Variants in RGL3 observed in about 807,000 individuals in gnomAD.
RGL3 encodes ral guanine nucleotide dissociation stimulator-like 3.
Under a neutral mutation model 90.6 loss-of-function variants are expected in RGL3, and 85 were observed. That is an observed-to-expected ratio of 0.94 (90% CI 0.79 to 1.12). RGL3 has a LOEUF of 1.12. Ranked by LOEUF, RGL3 falls within the 50% of genes most tolerant of loss-of-function variation. The pLI is 0.00. For synonymous variants in RGL3, 408 were observed against 385.5 expected (o/e 1.06, Z -0.68); for missense variants, 1,034 against 939.2 (o/e 1.10, Z -1.32).
Position 11,416,153 on chromosome 19 carries a change from C to T in RGL3, c.426-5G>A, listed in dbSNP as rs775430687. ...CCCAGCACTGACACCACAGCCCTGG[C>T]CAGAGAGGCAGGGTCTCAGAGCTGG... On this transcript the variant is annotated splice_polypyrimidine_tract_variant and splice_region_variant and intron_variant, in intron 4 of 18. Transcript: ENST00000380456. 5.2e-6 allele frequency: 8 copies of T among 1,533,702 alleles called. No homozygotes were observed. In the South Asian group the frequency reaches 7.5e-5, roughly 14 times the overall value.
At position 11,417,151 on chromosome 19, in the gene RGL3, T is replaced by C. The variant is rs1969017621; in HGVS notation, c.148-92A>G. The C allele has an allele frequency of 4.1e-6, 4 of 977,388 alleles. No homozygotes were observed. In the Admixed American group the frequency reaches 1.2e-4, roughly 30 times the overall value. The allele number at this position is 977,388 out of a possible 1,614,324, so 60.5% of individuals were successfully genotyped here. ...CATTCATCACTAGCACCACTCTTTT[T>C]TTTTTTGTTTTTTTTTTTGAGACAG... On this transcript the variant is annotated intron_variant, in intron 2 of 18. Transcript: ENST00000380456.
intron 4 of RGL3, chr19:11,416,364 T>A (rs189796116): frequency 9.7e-6 from 6 of 616,146 alleles, no homozygotes; most frequent in African/African-American, 9.2e-5. Flanking sequence ...CTTTTTTTGT[T>A]GTTGTTGTAT....
intron 4 of RGL3, 67 bp from the exon 5 acceptor site, chr19:11,416,215 CCTT>C (rs1968994375): frequency 5.8e-6 from 5 of 855,132 alleles, no homozygotes; most frequent in African/African-American, 2.3e-5. Context: ...ACTCCTGGTA[CCTT>C]TTTTTTTTTT....
In RGL3 at chr19:11,416,882, G is replaced by T; in HGVS notation, c.325C>A (p.Leu109Met). 6.2e-7 allele frequency: 1 copy of T among 1,614,134 alleles called. No homozygotes were observed. The highest frequency in any genetic ancestry group is 8.5e-7 in the Non-Finnish European group (1 of 1,180,010). Residue 109 changes from leucine (L) to methionine (M), a missense_variant, in exon 3 of 19, where the codon CTG becomes ATG. Leu to Met is a conservative substitution (Grantham distance 15). Coordinates refer to ENST00000380456, the MANE Select transcript of RGL3 (RefSeq NM_001035223.4). ...ATTGGTGGCAGCAGAAAGCCCAGCA[G>T]GCAGGCAGTGGGTACAAAGGTCCGG... is the stretch of plus-strand genomic sequence containing the variant. ...TYRTFVPTAC[L>M]LGFLLPPMPP...
chr19:11,403,449 G>A (rs1418612438), intron 9 of RGL3, among the ~76,000 whole-genome samples: 1 of 150,090 alleles, frequency 6.7e-6, no homozygotes, highest in African/African-American at 2.4e-5. Flanking sequence ...GACCAGCCTG[G>A]CTAACAGAGT....
intron 5 of RGL3, chr19:11,411,295 C>A (rs1252999999): frequency 6.6e-6 from 1 of 152,000 alleles, no homozygotes; most frequent in Admixed American, 6.6e-5. Flanking sequence ...AACAACTATT[C>A]CTCCTTCCCC....
intron 5 of RGL3, among the ~76,000 whole-genome samples, chr19:11,414,489 TC>T (rs1968949992): frequency 3.9e-5 from 1 of 25,340 alleles, no homozygotes; most frequent in Admixed American, 6.5e-4. Context: ...ATATACACCT[TC>T]ATATATATAT....
rs1215820328 is a variant in RGL3 at position 11,406,703 on chromosome 19, C to T, written c.780+19G>A. 1 of 1,613,142 alleles carries T rather than the reference C, an allele frequency of 6.2e-7. No homozygotes were observed. Among genetic ancestry groups the T allele is most frequent in the African/African-American group, 1.3e-5 (1 of 75,030 alleles). ...GTCCCCTCACTGTGGCTCATCCCGA[C>T]CCTGTCCGGGATCCTCACCAAGTCT... On this transcript the variant is annotated intron_variant, in intron 6 of 18. Coordinates refer to ENST00000380456, the MANE Select transcript of RGL3 (RefSeq NM_001035223.4).
At chr19:11,418,406 C>T (rs2144746274) in intron 2 of RGL3, 2 of 515,154 alleles carry the variant, frequency 3.9e-6, no homozygotes, top group East Asian at 3.6e-5. Context: ...CCCAACTCTG[C>T]CGTCCAGTTC....
intron 18 of RGL3, 47 bp downstream of exon 18, chr19:11,397,197 G>A (rs376001043): frequency 6.5e-6 from 10 of 1,530,274 alleles, no homozygotes; most frequent in African/African-American, 5.5e-5. Context: ...CAGTCTGCTC[G>A]CCTCCCCGCT....
chr19:11,402,134 T>C lies in RGL3; in HGVS notation c.1363-2A>G, dbSNP rs769789459. On this transcript the variant is annotated splice_acceptor_variant, in intron 12 of 18. Transcript: ENST00000380456. LOFTEE classifies it high-confidence loss of function. ...GATGCGGGCCAGGATCTCCCACTCC[T>C]GGAGGACGAGCCTCTAAGACCCTAC... 3 of 1,608,416 alleles carry C rather than the reference T, an allele frequency of 1.9e-6. No individual in the cohort carries two copies. The Admixed American group carries it at 5.0e-5, about 27-fold the overall frequency.
rs755981361 is a variant in RGL3 at position 11,416,822 on chromosome 19, G to A, written c.371+14C>T. On this transcript the variant is annotated intron_variant, in intron 3 of 18. Coordinates refer to ENST00000380456, the MANE Select transcript of RGL3 (RefSeq NM_001035223.4). ...CTAGGGTGGAGAATACGGAGGTTAT[G>A]GTTCGCTACTGACCCGGGAGGTGGG... The A allele has an allele frequency of 6.2e-6, 10 of 1,612,750 alleles. No individual in the cohort carries two copies. In the South Asian group the frequency reaches 7.7e-5, roughly 12 times the overall value.
chr19:11,416,186 G>A, intron 4 of RGL3, 38 bp from the exon 5 acceptor site: 1 of 1,346,236 alleles, frequency 7.4e-7, no homozygotes. Flanking sequence ...TGGGTCCAGA[G>A]TGGGGGACAT....
In RGL3 at chr19:11,399,715, C is replaced by A. The variant is rs928231938; in HGVS notation, c.1746+140G>T. ...ATGCATGCAATCCCCTGGATGGATACCCCGGGCGCTCAGTGTGCCTCCTGT... is the reference window on the plus strand; with the variant it reads ...ATGCATGCAATCCCCTGGATGGATAACCCGGGCGCTCAGTGTGCCTCCTGT... On this transcript the variant is annotated intron_variant, in intron 16 of 18. Coordinates refer to ENST00000380456, the MANE Select transcript of RGL3 (RefSeq NM_001035223.4). The A allele has an allele frequency of 1.6e-5, 8 of 485,830 alleles. No homozygotes were observed. In the East Asian group the frequency reaches 2.1e-4, roughly 13 times the overall value. The allele number at this position is 485,830 out of a possible 1,614,324, so 30.1% of individuals were successfully genotyped here. A position where few individuals can be genotyped will look rare whatever the true frequency, so the allele number is the denominator to read the frequency against.
intron 18 of RGL3, 134 bp downstream of exon 18, chr19:11,397,110 T>A: frequency 1.5e-6 from 1 of 681,670 alleles, no homozygotes; most frequent in Non-Finnish European, 2.5e-6. Context: ...ACTGATTATC[T>A]TACCCCTACT....
intron 3 of RGL3, 75 bp downstream of exon 3, chr19:11,416,761 A>G: frequency 1.9e-6 from 3 of 1,590,350 alleles, no homozygotes; most frequent in Non-Finnish European, 2.6e-6. Context: ...CAGGTTCCAC[A>G]CCTGAGGAGG....
intron 5 of RGL3, 114 bp downstream of exon 5, chr19:11,415,823 A>C: frequency 1.1e-6 from 1 of 935,716 alleles, no homozygotes; most frequent in Non-Finnish European, 1.6e-6. Context: ...TGAGGCTTAG[A>C]GTTTAAAATC....
At chr19:11,401,962 G>A (rs1348016491) in intron 13 of RGL3, 49 bp downstream of exon 13, 2 of 1,506,372 alleles carry the variant, frequency 1.3e-6, no homozygotes, top group South Asian at 1.3e-5. Flanking sequence ...TCCAGTTGGT[G>A]ACCCAGGCTC....
intron 18 of RGL3, among the ~76,000 whole-genome samples, chr19:11,396,114 CTCTCTCTCTCTCTCTCTCTCTCTA>C (rs1968561669): frequency 1.9e-5 from 1 of 52,302 alleles, no homozygotes; most frequent in South Asian, 6.4e-4. Context: ...CTCTCTCTCT[CTCTCTCTCTCTCTCTCTCTCTCTA>C]TATATATATA....
Sources: allele counts gnomAD v4.1 joint callset (sites outside exome capture counted in the v4.1 genomes callset), GRCh38; gene constraint gnomAD v4.1.1; transcripts MANE v1.5; gene names NCBI Gene and HGNC (gene_info 2026-07-23, HGNC 2026-07-21).